DDC: variants seen among roughly 807,000 people sequenced by gnomAD.
DDC encodes the protein dopa decarboxylase, also known as aromatic-L-amino-acid decarboxylase.
Under a neutral mutation model 60.0 loss-of-function variants are expected in DDC, and 43 were observed. The ratio of observed to expected loss-of-function variants is 0.72; its 90% CI spans 0.56 to 0.92. The LOEUF (loss-of-function observed/expected upper bound fraction) is 0.92, where lower values mean the gene tolerates loss of function less well. DDC is among the 40% of genes least tolerant of loss of function. The probability of loss-of-function intolerance (pLI) is 0.00; values close to 1 mark genes in which losing one functional copy is unlikely to be tolerated. For synonymous variants in DDC, 232 were observed against 234.6 expected (o/e 0.99, Z 0.10); for missense variants, 573 against 620.2 (o/e 0.92, Z 0.81).
At chr7:50,550,074 A>G (rs1338553545) in intron 1 of DDC, among the ~76,000 whole-genome samples, 20 of 152,248 alleles carry the variant, frequency 1.3e-4, no homozygotes, top group Admixed American at 1.2e-3. Flanking sequence ...AATGCTATCA[A>G]ACAGCATCAC....
chr7:50,548,359 A>G (rs895213197), intron 1 of DDC, among the ~76,000 whole-genome samples: 2 of 152,246 alleles, frequency 1.3e-5, no homozygotes, highest in African/African-American at 4.8e-5. Flanking sequence ...AAGTGAAGCC[A>G]AACAGTTATC....
intron 9 of DDC, among the ~76,000 whole-genome samples, chr7:50,493,160 G>A (rs914640816): frequency 1.5e-4 from 23 of 152,288 alleles, no homozygotes; most frequent in African/African-American, 5.3e-4. Context: ...TCAACACAGG[G>A]CTGTCGTGGG....
At chr7:50,544,186 C>G (rs546832347) in intron 1 of DDC, 73 bp from the exon 2 acceptor site, 1 of 1,179,756 alleles carries the variant, frequency 8.5e-7, no homozygotes, top group East Asian at 2.4e-5. Context: ...CCAAGCAAGC[C>G]GTGGGTAGGG....
At chr7:50,528,410 G>T in intron 5 of DDC, 130 bp from the exon 6 acceptor site, 1 of 1,014,648 alleles carries the variant, frequency 9.9e-7, no homozygotes, top group South Asian at 1.3e-5. Flanking sequence ...AGGCAGAACT[G>T]CTCCTGACTG....
At chr7:50,529,433 AG>A in intron 4 of DDC, 91 bp from the exon 5 acceptor site, 1 of 1,514,532 alleles carries the variant, frequency 6.6e-7, no homozygotes, top group Non-Finnish European at 9.1e-7. Flanking sequence ...TTGTGTCCAT[AG>A]TTTTCTTAAA....
At chr7:50,547,245 C>T (rs554642212) in intron 1 of DDC, among the ~76,000 whole-genome samples, 5 of 150,652 alleles carry the variant, frequency 3.3e-5, no homozygotes, top group African/African-American at 7.3e-5. Context: ...GAGTCTTGCT[C>T]TGTCACCCAG....
At position 50,537,598 on chromosome 7, in the gene DDC, G is replaced by C. The variant is rs539062917; in HGVS notation, c.435+262C>G. Among the ~76,000 whole-genome samples, 5 of 152,174 alleles carry C rather than the reference G, an allele frequency of 3.3e-5. 1 individual carries two copies. In the South Asian group the frequency reaches 1.0e-3, roughly 32 times the overall value. On this transcript the variant is annotated intron_variant, in intron 4 of 14. Transcript: ENST00000444124. ...TTCCACGCACCTGCTGTGAGATAGC[G>C]GCTGTGCTACCTACCATAGCTAGGG... is the stretch of plus-strand genomic sequence containing the variant.
rs185356649 is a variant in DDC at position 50,467,277 on chromosome 7, G to A, written c.1179C>T (p.Arg393=). Residue 393 remains arginine, a synonymous_variant, in exon 13 of 15, where the codon CGC becomes CGT. Transcript: ENST00000444124. ...QLSHEFESLV[R]QDPRFEICVE... The stretch of plus-strand genomic sequence containing the variant: ...CACAGATTTCAAAGCGGGGATCCTG[G>A]CGCACCAGTGACTCAAACTCATGGG... 12 of 1,614,208 alleles carry A rather than the reference G, an allele frequency of 7.4e-6. No individual in the cohort carries two copies. In the East Asian group the frequency reaches 2.2e-4, roughly 30 times the overall value.
chr7:50,469,702 G>C (rs538668123), intron 12 of DDC, among the ~76,000 whole-genome samples: 1 of 152,320 alleles, frequency 6.6e-6, no homozygotes, highest in South Asian at 2.1e-4. Context: ...TTGAAGGCCA[G>C]GTGCAGTGGC....
chr7:50,543,930 C>A lies in DDC; in HGVS notation c.156G>T (p.Thr52=). Residue 52 remains threonine, a synonymous_variant, in exon 2 of 15, where the codon ACG becomes ACT. Coordinates refer to ENST00000444124, the MANE Select transcript of DDC (RefSeq NM_001082971.2). ...CAACGTCGTTGATGATGTCCTCAAA[C>A]GTGTCTGGCTCCTGAGGGGCAGCGG... The part of the protein sequence containing the change: ...IPAAAPQEPD[T]FEDIINDVEK... The A allele has an allele frequency of 3.1e-6, 5 of 1,614,188 alleles. No homozygotes were observed. Among genetic ancestry groups the A allele is most frequent in the South Asian group, 1.1e-5 (1 of 91,080 alleles).
intron 7 of DDC, among the ~76,000 whole-genome samples, chr7:50,502,986 C>T (rs1251496027): frequency 2.6e-5 from 4 of 152,226 alleles, no homozygotes; most frequent in African/African-American, 9.6e-5. Context: ...GCACCTTCAG[C>T]ACCGGCCTTC....
At position 50,528,122 on chromosome 7, in the gene DDC, T is replaced by C. The variant is rs763947543; in HGVS notation, c.714+15A>G. ...CACCTTATTGGCCAGGAGCCACAAG[T>C]GCTGCCGAACTTACAAAGAAAGGAA... On this transcript the variant is annotated intron_variant, in intron 6 of 14. Coordinates refer to ENST00000444124, the MANE Select transcript of DDC (RefSeq NM_001082971.2). 6.2e-7 allele frequency: 1 copy of C among 1,612,092 alleles called. No individual in the cohort carries two copies. The highest frequency in any genetic ancestry group is 8.5e-7 in the Non-Finnish European group (1 of 1,179,786).
chr7:50,553,478 T>C lies in DDC; in HGVS notation c.-28-9365A>G, dbSNP rs2045077392. Among the ~76,000 whole-genome samples the C allele has an allele frequency of 2.4e-5, 3 of 122,494 alleles. No individual in the cohort carries two copies. In the Admixed American group the frequency reaches 3.2e-4, roughly 13 times the overall value. The allele number at this position is 122,494 out of a possible 152,430, so 80.4% of individuals were successfully genotyped here. On this transcript the variant is annotated intron_variant, in intron 1 of 14. Transcript: ENST00000444124. ...CTTTCTTTTTTTCTTTTCTTTTCTT[T>C]CTTTTCTTTTTTTTTTTTTTTTTTT...
intron 6 of DDC, among the ~76,000 whole-genome samples, chr7:50,519,873 C>T (rs777220073): frequency 3.3e-5 from 5 of 152,074 alleles, no homozygotes; most frequent in African/African-American, 1.2e-4. Context: ...ACCACCTGTA[C>T]CCTAATAACT....
At chr7:50,542,495 G>A (rs1237258547) in intron 2 of DDC, 5 of 152,326 alleles carry the variant, frequency 3.3e-5, no homozygotes, top group African/African-American at 1.2e-4. Context: ...CTCCGCTCAC[G>A]GCTCGAGAGC....
intron 6 of DDC, among the ~76,000 whole-genome samples, chr7:50,505,301 A>G (rs2153540832): frequency 6.6e-6 from 1 of 152,332 alleles, no homozygotes; most frequent in East Asian, 1.9e-4. Flanking sequence ...TCTCCAAAGG[A>G]TCAAAACGCA....
At chr7:50,495,289 G>A in intron 9 of DDC, 61 bp downstream of exon 9, 1 of 1,320,932 alleles carries the variant, frequency 7.6e-7, no homozygotes, top group Non-Finnish European at 1.1e-6. Context: ...CATCTTCCCT[G>A]CCAGCTTCTT....
intron 6 of DDC, among the ~76,000 whole-genome samples, chr7:50,511,293 C>T (rs566416830): frequency 4.2e-4 from 59 of 140,040 alleles, no homozygotes; most frequent in African/African-American, 1.3e-3. Context: ...GAGTACTATG[C>T]GACTTTTTTT....
At chr7:50,501,888 A>G (rs573243925) in intron 7 of DDC, among the ~76,000 whole-genome samples, 1 of 152,310 alleles carries the variant, frequency 6.6e-6, no homozygotes, top group South Asian at 2.1e-4. Context: ...AGCCTGGCCA[A>G]TATGGTGAAA....
Sources: gnomAD v4.1 joint callset for allele counts (sites outside exome capture counted in the v4.1 genomes callset) on GRCh38, gnomAD v4.1.1 for gene constraint, MANE v1.5 for transcripts, NCBI Gene and HGNC (gene_info 2026-07-23, HGNC 2026-07-21) for gene names.